The following CPSF7 variants were observed in gnomAD, a reference collection of about 807,000 sequenced individuals.
CPSF7 encodes the protein cleavage and polyadenylation specific factor 7, also known as cleavage and polyadenylation specificity factor subunit 7.
In CPSF7, 1 loss-of-function variant was observed where a neutral mutation model predicts 44.3. The ratio of observed to expected loss-of-function variants is 0.02; its 90% CI spans 0.01 to 0.11. The LOEUF (loss-of-function observed/expected upper bound fraction) is 0.11, where lower values mean the gene tolerates loss of function less well. Ranked by LOEUF, CPSF7 falls within the 10% of genes least tolerant of loss-of-function variation. CPSF7 has a pLI of 1.00. For synonymous variants in CPSF7, 202 were observed against 222.0 expected (o/e 0.91, Z 0.80); for missense variants, 443 against 607.2 (o/e 0.73, Z 2.84).
At chr11:61,419,068 G>A (rs1376751828) in intron 5 of CPSF7, among the ~76,000 whole-genome samples, 1 of 151,992 alleles carries the variant, frequency 6.6e-6, no homozygotes, top group Non-Finnish European at 1.5e-5. Context: ...TGTTGCCCAG[G>A]CTGGAGTGCA....
chr11:61,406,864 C>A (rs1859376652), intron 9 of CPSF7, among the ~76,000 whole-genome samples: 1 of 152,034 alleles, frequency 6.6e-6, no homozygotes, highest in Non-Finnish European at 1.5e-5. Flanking sequence ...CACCTAAGTG[C>A]CCCCAAGTAG....
At chr11:61,413,400 G>A (rs1030986847) in intron 7 of CPSF7, among the ~76,000 whole-genome samples, 1 of 152,072 alleles carries the variant, frequency 6.6e-6, no homozygotes, top group Non-Finnish European at 1.5e-5. Context: ...GGGAGGCCGA[G>A]GTGGGCGGAT....
At chr11:61,416,063 T>C (rs1860308493) in intron 6 of CPSF7, 42 bp downstream of exon 6, 2 of 1,463,272 alleles carry the variant, frequency 1.4e-6, no homozygotes, top group African/African-American at 1.4e-5. Context: ...TTAATACACT[T>C]ATTTACCCTG....
chr11:61,421,722 C>T (rs1860896828), intron 2 of CPSF7, 114 bp from the exon 3 acceptor site: 1 of 717,408 alleles, frequency 1.4e-6, no homozygotes, highest in African/African-American at 1.8e-5. Context: ...TACAAAACTT[C>T]CTTGTCCTAC....
intron 2 of CPSF7, chr11:61,428,778 G>C (rs573805280): frequency 1.3e-5 from 2 of 153,968 alleles, no homozygotes; most frequent in Non-Finnish European, 2.9e-5. Context: ...TCACGATGGA[G>C]GGGACTACAC....
intron 5 of CPSF7, 81 bp from the exon 6 acceptor site, chr11:61,416,600 A>G: frequency 7.1e-7 from 1 of 1,416,536 alleles, no homozygotes; most frequent in Non-Finnish European, 9.9e-7. Flanking sequence ...AGAAGTTATC[A>G]GACACCCTAC....
At chr11:61,419,918 G>C (rs758387401) in intron 5 of CPSF7, 31 bp downstream of exon 5, 8 of 1,604,298 alleles carry the variant, frequency 5.0e-6, no homozygotes, top group Non-Finnish European at 6.8e-6. Flanking sequence ...TGGTCTCCAC[G>C]TACCCCCTCT....
At chr11:61,414,929 C>A (rs1026514355) in intron 7 of CPSF7, among the ~76,000 whole-genome samples, 4 of 152,130 alleles carry the variant, frequency 2.6e-5, no homozygotes, top group Non-Finnish European at 4.4e-5. Context: ...TAAATGTAAT[C>A]AGATTTCATA....
intron 2 of CPSF7, among the ~76,000 whole-genome samples, chr11:61,428,262 G>A (rs983544710): frequency 6.6e-6 from 1 of 152,202 alleles, no homozygotes; most frequent in Non-Finnish European, 1.5e-5. Context: ...GCTCACTGCA[G>A]CCTTGAATTC....
intron 5 of CPSF7, 31 bp from the exon 6 acceptor site, chr11:61,416,550 C>T: frequency 6.2e-7 from 1 of 1,610,260 alleles, no homozygotes; most frequent in South Asian, 1.1e-5. Context: ...GATGTTACTG[C>T]CCAGGCTTTA....
rs1428995817 is a variant in CPSF7, at chr11:61,425,832, T to C, written c.54+3350A>G. On this transcript the variant is annotated intron_variant, in intron 2 of 9. Transcript: ENST00000439958. ...CACCAGGAGTGGAATCTGTTTTGAGTACAGGGACCCACTTTTTTTTCCTTT... is the reference window on the plus strand; with the variant it reads ...CACCAGGAGTGGAATCTGTTTTGAGCACAGGGACCCACTTTTTTTTCCTTT... 5.6e-4 allele frequency among the ~76,000 whole-genome samples: 85 copies of C among 152,208 alleles called. 1 individual carries two copies. Among genetic ancestry groups the C allele is most frequent in the Admixed American group, 5.6e-3 (85 of 15,270 alleles).
At chr11:61,418,224 A>G (rs1189277280) in intron 5 of CPSF7, among the ~76,000 whole-genome samples, 2 of 152,192 alleles carry the variant, frequency 1.3e-5, no homozygotes, top group South Asian at 2.1e-4. Flanking sequence ...GATACACCCA[A>G]TCAATACAAG....
At chr11:61,420,671 C>CA (rs1860779618) in intron 3 of CPSF7, 98 bp from the exon 4 acceptor site, 1 of 872,408 alleles carries the variant, frequency 1.1e-6, no homozygotes, top group South Asian at 1.5e-5. Context: ...TAAGTCCCCC[C>CA]AGAGGAAACT....
chr11:61,423,625 A>C (rs571890346), intron 2 of CPSF7, among the ~76,000 whole-genome samples: 1 of 152,218 alleles, frequency 6.6e-6, no homozygotes, highest in East Asian at 1.9e-4. Flanking sequence ...TCATATTGCT[A>C]TTCTTTTAAA....
rs138481730 is a variant in CPSF7 at position 61,428,080 on chromosome 11, C to G, written c.54+1102G>C. ...AGAATGGTGCTGAAAATAACCCAGG[C>G]AAGATATTAGTACGTTTTCAATAGA... is the stretch of plus-strand genomic sequence containing the variant. On this transcript the variant is annotated intron_variant, in intron 2 of 9. Coordinates refer to ENST00000439958, the MANE Select transcript of CPSF7 (RefSeq NM_001142565.3). Among the ~76,000 whole-genome samples the G allele has an allele frequency of 5.1e-4, 78 of 152,248 alleles. 1 individual carries two copies. The East Asian group carries it at 0.013, about 26-fold the overall frequency.
rs757850135 is a variant in CPSF7 at position 61,429,163 on chromosome 11, G to A, written c.54+19C>T. 9.9e-6 allele frequency: 14 copies of A among 1,416,174 alleles called. No homozygotes were observed. Among genetic ancestry groups the A allele is most frequent in the Non-Finnish European group, 1.4e-5 (14 of 1,002,630 alleles). The allele number at this position is 1,416,174 out of a possible 1,614,324, so 87.7% of individuals were successfully genotyped here. A position where few individuals can be genotyped will look rare whatever the true frequency, so the allele number is the denominator to read the frequency against. On this transcript the variant is annotated intron_variant, in intron 2 of 9. Coordinates refer to ENST00000439958, the MANE Select transcript of CPSF7 (RefSeq NM_001142565.3). ...TCAGATGATCAAGGAAAATCCCAAA[G>A]CTCCTGATGACACCTCACCTGGTTG...
chr11:61,415,697 G>A lies in CPSF7; in HGVS notation c.1026C>T (p.Ala342=), dbSNP rs759671978. 1 of 1,613,706 alleles carries A rather than the reference G, an allele frequency of 6.2e-7. No individual in the cohort carries two copies. The highest frequency in any genetic ancestry group is 8.5e-7 in the Non-Finnish European group (1 of 1,179,574). The change falls in exon 7 of 10, where the codon GCC becomes GCT. Residue 342 remains alanine (A), a synonymous_variant. Transcript: ENST00000439958. ...MKRNRAISSS[A]ISKAVSGASA... ...TGGCTCCAGATACTGCTTTGGAAATGGCACTGCTGGAAATTGCTCTGTTTC... is the reference window on the plus strand; with the variant it reads ...TGGCTCCAGATACTGCTTTGGAAATAGCACTGCTGGAAATTGCTCTGTTTC...
intron 9 of CPSF7, among the ~76,000 whole-genome samples, chr11:61,408,057 CTT>C (rs111594039): frequency 1.9e-4 from 26 of 137,682 alleles, no homozygotes; most frequent in Non-Finnish European, 1.9e-4. Context: ...TCAAGGACAT[CTT>C]TTTTTTTTTT....
rs910987720 is a variant in CPSF7, at chr11:61,403,106, C to T, written c.*1604G>A. The T allele has an allele frequency of 1.3e-5, 2 of 152,398 alleles. No individual in the cohort carries two copies. Among genetic ancestry groups the T allele is most frequent in the African/African-American group, 2.4e-5 (1 of 41,412 alleles). 9.4% of individuals were successfully genotyped at this position (152,398 alleles called of 1,614,324 possible). A position where few individuals can be genotyped will look rare whatever the true frequency, so the allele number is the denominator to read the frequency against. ...TTGGGGGACAGGGGAAAAAAAGCTCCAACCTGTAGCCTCTGTCCCAAGGGA... is the reference window on the plus strand; with the variant it reads ...TTGGGGGACAGGGGAAAAAAAGCTCTAACCTGTAGCCTCTGTCCCAAGGGA... On this transcript the variant is annotated 3_prime_UTR_variant, in exon 10 of 10. Transcript: ENST00000439958.
Sources: allele counts gnomAD v4.1 joint callset (sites outside exome capture counted in the v4.1 genomes callset), GRCh38; gene constraint gnomAD v4.1.1; transcripts MANE v1.5; gene names NCBI Gene and HGNC (gene_info 2026-07-23, HGNC 2026-07-21).